Variants in CLIP2 observed in about 807,000 individuals in gnomAD.
CLIP2 encodes the protein CAP-Gly domain-containing linker protein 2.
Under a neutral mutation model 111.7 loss-of-function variants are expected in CLIP2, and 41 were observed. The observed-to-expected ratio is 0.37, with a 90% confidence interval of 0.29 to 0.48. The LOEUF (loss-of-function observed/expected upper bound fraction) is 0.48. Among genes scored for constraint, CLIP2 ranks in the 20% least tolerant of loss-of-function variants. The pLI is 0.99. For synonymous variants in CLIP2, 660 were observed against 644.2 expected (o/e 1.02, Z -0.37); for missense variants, 1,160 against 1,422.1 (o/e 0.82, Z 2.96).
chr7:74,344,417 TGTCACTCAGGATGGA>T (rs1339922060), intron 3 of CLIP2, among the ~76,000 whole-genome samples: 1 of 152,128 alleles, frequency 6.6e-6, no homozygotes, highest in Non-Finnish European at 1.5e-5. Flanking sequence ...GGTCTTGCTC[TGTCACTCAGGATGGA>T]GTGCGGTGGT....
chr7:74,318,313 A>G (rs1480560130), intron 2 of CLIP2, among the ~76,000 whole-genome samples: 2 of 152,006 alleles, frequency 1.3e-5, no homozygotes, highest in Non-Finnish European at 2.9e-5. Context: ...GTGTGCGGGG[A>G]GTTTCATTTT....
chr7:74,364,123 G>C, intron 7 of CLIP2, 132 bp from the exon 8 acceptor site: 1 of 739,888 alleles, frequency 1.4e-6, no homozygotes, highest in Non-Finnish European at 2.3e-6. Context: ...CAGGACTGTG[G>C]GACATTTTGA....
rs539830307 is a variant in CLIP2, at chr7:74,328,394, G to A, written c.122-10054G>A. On this transcript the variant is annotated intron_variant, in intron 2 of 16. Coordinates refer to ENST00000223398, the MANE Select transcript of CLIP2 (RefSeq NM_003388.5). ...TGTTCCTTTGGGGCCACCAGGAAGC[G>A]GGAGTCAGGTGTGTGGCCCGTCTGC... 3.3e-5 allele frequency among the ~76,000 whole-genome samples: 5 copies of A among 152,312 alleles called. No homozygotes were observed. The East Asian group carries it at 5.8e-4, about 18-fold the overall frequency.
At chr7:74,366,415 A>T (rs181582527) in intron 8 of CLIP2, among the ~76,000 whole-genome samples, 1,577 of 152,258 alleles carry the variant, frequency 0.01, 26 homozygotes, top group African/African-American at 0.036. Context: ...CCCCTGTAAG[A>T]TCCACAGTCT....
chr7:74,365,118 A>G (rs1333666456), intron 8 of CLIP2, among the ~76,000 whole-genome samples: 1 of 151,058 alleles, frequency 6.6e-6, no homozygotes, highest in Non-Finnish European at 1.5e-5. Context: ...CCAGCTCAGC[A>G]TGTTCTAATT....
chr7:74,338,726 G>T lies in CLIP2; in HGVS notation c.400G>T (p.Ala134Ser). The T allele has an allele frequency of 6.3e-7, 1 of 1,593,520 alleles. No individual in the cohort carries two copies. Among genetic ancestry groups the T allele is most frequent in the East Asian group, 2.3e-5 (1 of 43,904 alleles). The change falls in exon 3 of 17, where the codon GCC (alanine) becomes TCC (serine). Residue 134 changes from alanine to serine, a missense_variant. By Grantham distance (99) the Ala-to-Ser change is moderately conservative (BLOSUM62 1). Around this residue, in one of 5 missense-constraint regions of CLIP2, gnomAD observed 301 missense variants for 315.2 expected, o/e 0.96. Coordinates refer to ENST00000223398, the MANE Select transcript of CLIP2 (RefSeq NM_003388.5). This position sits in a 1 kb window ranked among gnomAD's most constrained non-coding sequence, Gnocchi z 4.3. ...VGGVRYFECPALQGIFTRPSK... is the reference protein window; with the variant it reads ...VGGVRYFECPSLQGIFTRPSK... ...CGGCGTGCGCTACTTCGAGTGCCCG[G>T]CCCTCCAGGGTATCTTCACGCGGCC... is the stretch of plus-strand genomic sequence containing the variant.
chr7:74,305,026 C>A (rs1175599999), intron 1 of CLIP2, among the ~76,000 whole-genome samples: 1 of 148,140 alleles, frequency 6.8e-6, no homozygotes, highest in African/African-American at 2.5e-5. Context: ...CCTCCCACCA[C>A]CAAACCACCC....
intron 1 of CLIP2, among the ~76,000 whole-genome samples, chr7:74,294,224 G>A (rs942631016): frequency 6.6e-6 from 1 of 152,176 alleles, no homozygotes; most frequent in East Asian, 1.9e-4. Flanking sequence ...GAGCCACTGC[G>A]CCCAGCCAGA....
intron 11 of CLIP2, among the ~76,000 whole-genome samples, chr7:74,382,917 C>A (rs545009696): frequency 4.0e-5 from 6 of 150,550 alleles, no homozygotes; most frequent in African/African-American, 9.8e-5. Context: ...ACAAAAAATA[C>A]CCCCCTCCAA....
chr7:74,305,462 C>T (rs1359428763), intron 1 of CLIP2, among the ~76,000 whole-genome samples: 4 of 152,000 alleles, frequency 2.6e-5, no homozygotes, highest in African/African-American at 9.7e-5. Flanking sequence ...CCCAGTGTCC[C>T]CTCTCTGTCC....
chr7:74,376,749 T>G lies in CLIP2; in HGVS notation c.2348T>G (p.Leu783Trp), dbSNP rs1554313020. 6.2e-7 allele frequency: 1 copy of G among 1,612,318 alleles called. No individual in the cohort carries two copies. Among genetic ancestry groups the G allele is most frequent in the East Asian group, 2.2e-5 (1 of 44,812 alleles). Reference sequence around the variant, plus strand: ...CAGGGCAAACAGGAGGTCGAGAGTTTGCGGGAGAAGCTCCTGGTGGCTGAG... The same window carrying G: ...CAGGGCAAACAGGAGGTCGAGAGTTGGCGGGAGAAGCTCCTGGTGGCTGAG... Reference protein sequence around the residue: ...EAQGKQEVESLREKLLVAENR... With the variant: ...EAQGKQEVESWREKLLVAENR... The change falls in exon 10 of 17, where the codon TTG becomes TGG. Residue 783 changes from leucine to tryptophan, a missense_variant. By Grantham distance (61) the Leu-to-Trp change is moderately conservative. Coordinates refer to ENST00000223398, the MANE Select transcript of CLIP2 (RefSeq NM_003388.5). This position sits in a 1 kb window ranked among gnomAD's most constrained non-coding sequence, Gnocchi z 7.1.
Position 74,404,066 on chromosome 7 carries a change from T to G in CLIP2, c.*218T>G. 3 of 598,604 alleles carry G rather than the reference T, an allele frequency of 5.0e-6. No individual in the cohort carries two copies. Among genetic ancestry groups the G allele is most frequent in the Non-Finnish European group, 9.1e-6 (3 of 328,878 alleles). 37.1% of individuals were successfully genotyped at this position (598,604 alleles called of 1,614,324 possible). ...AGCCTTCTACAGAGAGTGTGAACGG[T>G]ACAGCCCCGGCCTGACCCGGGGACC... is the stretch of plus-strand genomic sequence containing the variant. On this transcript the variant is annotated 3_prime_UTR_variant, in exon 17 of 17. Transcript: ENST00000223398.
rs1053710022 is a variant in CLIP2 at position 74,405,535 on chromosome 7, T to C, written c.*1687T>C. On this transcript the variant is annotated 3_prime_UTR_variant, in exon 17 of 17. Coordinates refer to ENST00000223398, the MANE Select transcript of CLIP2 (RefSeq NM_003388.5). The stretch of plus-strand genomic sequence containing the variant: ...CCCCCCTCCCAGTCCCTGTTGGCTT[T>C]CGGTAGCTCTCGCATGCAGTTCTAT... 20 of 152,898 alleles carry C rather than the reference T, an allele frequency of 1.3e-4. No individual in the cohort carries two copies. Among genetic ancestry groups the C allele is most frequent in the African/African-American group, 4.8e-4 (20 of 41,438 alleles). The allele number at this position is 152,898 out of a possible 1,614,324, so 9.5% of individuals were successfully genotyped here.
Position 74,387,133 on chromosome 7 carries a change from C to T in CLIP2, c.2563+529C>T, listed in dbSNP as rs532237809. Among the ~76,000 whole-genome samples, 7 of 152,274 alleles carry T rather than the reference C, an allele frequency of 4.6e-5. No individual in the cohort carries two copies. The East Asian group carries it at 7.7e-4, about 17-fold the overall frequency. On this transcript the variant is annotated intron_variant, in intron 12 of 16. Coordinates refer to ENST00000223398, the MANE Select transcript of CLIP2 (RefSeq NM_003388.5). ...TGGTCCATCCTATAATGCCTCCCCG[C>T]CAGCTTCTGTCCCCAGAGCCAGCTC...
intron 2 of CLIP2, among the ~76,000 whole-genome samples, chr7:74,330,856 C>A (rs1429023475): frequency 1.3e-5 from 2 of 151,808 alleles, no homozygotes; most frequent in African/African-American, 4.8e-5. Flanking sequence ...AAATTATTTC[C>A]TTGGGAAATA....
intron 3 of CLIP2, among the ~76,000 whole-genome samples, chr7:74,344,698 C>T (rs1789754749): frequency 6.6e-6 from 1 of 152,052 alleles, no homozygotes; most frequent in South Asian, 2.1e-4. Flanking sequence ...CCACTGAGCC[C>T]AGCCTAATCG....
In CLIP2 at chr7:74,338,154, A is replaced by C. The variant is rs972047980; in HGVS notation, c.122-294A>C. On this transcript the variant is annotated intron_variant, in intron 2 of 16. Transcript: ENST00000223398. This position sits in a 1 kb window ranked among gnomAD's most constrained non-coding sequence, Gnocchi z 4.3. Reference sequence around the variant, plus strand: ...GAAGTCAAGACTGCAGTGAGCCACCATATCGCCAATGCACTCTAGTCTGGG... The same window carrying C: ...GAAGTCAAGACTGCAGTGAGCCACCCTATCGCCAATGCACTCTAGTCTGGG... 6.6e-6 allele frequency among the ~76,000 whole-genome samples: 1 copy of C among 152,144 alleles called. No individual in the cohort carries two copies. Among genetic ancestry groups the C allele is most frequent in the Non-Finnish European group, 1.5e-5 (1 of 68,034 alleles).
chr7:74,361,079 C>T (rs1305680382), intron 7 of CLIP2, among the ~76,000 whole-genome samples: 1 of 151,572 alleles, frequency 6.6e-6, no homozygotes, highest in Non-Finnish European at 1.5e-5. Flanking sequence ...GTGGAGCTCA[C>T]AGCTCCTGTC....
chr7:74,305,855 A>C (rs1174866157), intron 1 of CLIP2, among the ~76,000 whole-genome samples: 4,212 of 51,472 alleles, frequency 0.082, 6 homozygotes, highest in Non-Finnish European at 0.087. Flanking sequence ...CTGCACCCCA[A>C]CCCCCCCCCA....
Sources: allele counts gnomAD v4.1 joint callset (sites outside exome capture counted in the v4.1 genomes callset), GRCh38; gene constraint gnomAD v4.1.1; regional missense constraint gnomAD v4.1.1; non-coding constraint Gnocchi (gnomAD v3.1); transcripts MANE v1.5; gene names NCBI Gene and HGNC (gene_info 2026-07-23, HGNC 2026-07-21).